Variants in GAN observed in about 807,000 individuals in gnomAD.
The protein encoded by GAN is gigaxonin.
Under a neutral mutation model 71.3 loss-of-function variants are expected in GAN, and 48 were observed. The observed-to-expected ratio is 0.67, with a 90% CI of 0.53 to 0.86. The LOEUF (loss-of-function observed/expected upper bound fraction) is 0.86. Ranked by LOEUF, GAN falls within the 40% of genes least tolerant of loss-of-function variation. GAN has a pLI of 0.00. For missense variants in GAN, 928 were observed against 770.1 expected (o/e 1.21, Z -2.43); for synonymous variants, 386 against 276.8 (o/e 1.39, Z -3.92).
intron 4 of GAN, among the ~76,000 whole-genome samples, chr16:81,357,375 C>G (rs111428305): frequency 6.6e-6 from 1 of 152,046 alleles, no homozygotes; most frequent in East Asian, 1.9e-4. Context: ...TTTGTTCTTG[C>G]GATAGTTTAC....
chr16:81,376,271 TC>T (rs1255661936), intron 9 of GAN, among the ~76,000 whole-genome samples: 1 of 152,072 alleles, frequency 6.6e-6, no homozygotes, highest in East Asian at 1.9e-4. Flanking sequence ...TCTCTAATGT[TC>T]CTGACAGCCT....
At chr16:81,357,375 C>A (rs111428305) in intron 4 of GAN, among the ~76,000 whole-genome samples, 1 of 152,046 alleles carries the variant, frequency 6.6e-6, no homozygotes, top group Non-Finnish European at 1.5e-5. Flanking sequence ...TTTGTTCTTG[C>A]GATAGTTTAC....
intron 9 of GAN, among the ~76,000 whole-genome samples, chr16:81,368,987 A>G (rs1910950844): frequency 6.6e-6 from 1 of 152,126 alleles, no homozygotes; most frequent in Non-Finnish European, 1.5e-5. Flanking sequence ...AAAAAGTTTC[A>G]CCCTTTTTTA....
rs2150703280 is a variant in GAN, at chr16:81,385,447, T to G, written c.*7851T>G. On this transcript the variant is annotated 3_prime_UTR_variant, in exon 11 of 11. Transcript: ENST00000648994. ...GGGGCTTCTGCCACACTTACTACTCTGTGACTTGGGAAGCTCTTAAGGCTC... is the reference window on the plus strand; with the variant it reads ...GGGGCTTCTGCCACACTTACTACTCGGTGACTTGGGAAGCTCTTAAGGCTC... The G allele has an allele frequency of 6.6e-6, 1 of 152,350 alleles. No homozygotes were observed. The highest frequency in any genetic ancestry group is 2.1e-4 in the South Asian group (1 of 4,824). The allele number at this position is 152,350 out of a possible 1,614,324, so 9.4% of individuals were successfully genotyped here.
At chr16:81,350,416 G>A (rs562023508) in intron 1 of GAN, among the ~76,000 whole-genome samples, 4 of 152,300 alleles carry the variant, frequency 2.6e-5, no homozygotes, top group African/African-American at 9.6e-5. Flanking sequence ...AGTATATGAG[G>A]CTGTAAACAG....
intron 10 of GAN, 37 bp from the exon 11 acceptor site, chr16:81,377,378 G>T (rs138060293): frequency 5.0e-6 from 8 of 1,602,536 alleles, no homozygotes; most frequent in African/African-American, 1.3e-5. Context: ...GTGATTCTGG[G>T]TACATTTTCT....
At chr16:81,332,075 C>A (rs886732809) in intron 1 of GAN, among the ~76,000 whole-genome samples, 1 of 151,348 alleles carries the variant, frequency 6.6e-6, no homozygotes, top group African/African-American at 2.4e-5. Context: ...GCAGGAGAAT[C>A]GCTTGAACCT....
At chr16:81,329,382 C>T (rs1314381093) in intron 1 of GAN, among the ~76,000 whole-genome samples, 1 of 152,158 alleles carries the variant, frequency 6.6e-6, no homozygotes, top group Non-Finnish European at 1.5e-5. Flanking sequence ...AAACTCTCTA[C>T]TTATATTGGA....
chr16:81,321,942 G>GTT (rs1225144668), intron 1 of GAN, among the ~76,000 whole-genome samples: 5 of 152,170 alleles, frequency 3.3e-5, no homozygotes, highest in African/African-American at 1.2e-4. Context: ...TCAGGTAAAG[G>GTT]TGGCAGCTCT....
chr16:81,342,604 C>T (rs12925218), intron 1 of GAN, among the ~76,000 whole-genome samples: 1 of 151,984 alleles, frequency 6.6e-6, no homozygotes, highest in Non-Finnish European at 1.5e-5. Context: ...ACACAACGTA[C>T]CAGAATCTTT....
chr16:81,369,064 C>T (rs1010617355), intron 9 of GAN, among the ~76,000 whole-genome samples: 10 of 152,174 alleles, frequency 6.6e-5, no homozygotes, highest in Admixed American at 2.6e-4. Context: ...TTACTGCCTC[C>T]GTGCATTCGC....
At chr16:81,365,914 G>A (rs939529533) in intron 9 of GAN, among the ~76,000 whole-genome samples, 2 of 152,052 alleles carry the variant, frequency 1.3e-5, no homozygotes, top group Non-Finnish European at 1.5e-5. Context: ...CCTTAACTTA[G>A]CATATATAGC....
At chr16:81,374,921 G>T (rs1192497719) in intron 9 of GAN, among the ~76,000 whole-genome samples, 3 of 152,132 alleles carry the variant, frequency 2.0e-5, no homozygotes, top group African/African-American at 7.3e-5. Flanking sequence ...TATCTGTATG[G>T]AAGAAAGTGA....
Position 81,383,978 on chromosome 16 carries a change from G to T in GAN, c.*6382G>T, listed in dbSNP as rs1326427005. ...TTATTTTTATTGTTTTTACTCATCA[G>T]TTATGAATAAGGCATACCTTAGAAA... On this transcript the variant is annotated 3_prime_UTR_variant, in exon 11 of 11. Coordinates refer to ENST00000648994, the MANE Select transcript of GAN (RefSeq NM_022041.4). 6.6e-6 allele frequency: 1 copy of T among 152,040 alleles called. No homozygotes were observed. Among genetic ancestry groups the T allele is most frequent in the African/African-American group, 2.4e-5 (1 of 41,376 alleles). 9.4% of individuals were successfully genotyped at this position (152,040 alleles called of 1,614,324 possible). A position where few individuals can be genotyped will look rare whatever the true frequency, so the allele number is the denominator to read the frequency against.
rs770296045 is a variant in GAN, at chr16:81,315,212, C to T, written c.99C>T (p.His33=). ...AGGAGTCTCGCTTCTGCGACGCGCA[C>T]CTGGTCCTCGACGGGGAGGAGATCC... The part of the protein sequence containing the change: ...FREESRFCDA[H]LVLDGEEIPV... The change falls in exon 1 of 11, where the codon CAC becomes CAT. Residue 33 remains histidine, a synonymous_variant. Coordinates refer to ENST00000648994, the MANE Select transcript of GAN (RefSeq NM_022041.4). The T allele has an allele frequency of 5.1e-6, 8 of 1,580,990 alleles. No homozygotes were observed. In the East Asian group the frequency reaches 1.9e-4, roughly 38 times the overall value.
rs1008460974 is a variant in GAN, at chr16:81,383,208, ATAAT to A, written c.*5615_*5618del. 2.2e-4 allele frequency: 32 copies of A among 142,534 alleles called. No individual in the cohort carries two copies. The highest frequency in any genetic ancestry group is 7.6e-4 in the African/African-American group (29 of 38,308). The allele number at this position is 142,534 out of a possible 1,614,324, so 8.8% of individuals were successfully genotyped here. A position where few individuals can be genotyped will look rare whatever the true frequency, so the allele number is the denominator to read the frequency against. ...CATCAAATAAATAAAACTACATTAT[ATAAT>A]TATTTAGTCAGAAATGACTGTTGCC... On this transcript the variant is annotated 3_prime_UTR_variant, in exon 11 of 11. Transcript: ENST00000648994.
intron 9 of GAN, among the ~76,000 whole-genome samples, chr16:81,368,512 C>G (rs912685370): frequency 2.0e-5 from 3 of 152,130 alleles, no homozygotes; most frequent in African/African-American, 4.8e-5. Context: ...AAGGCTGAGG[C>G]AGAAGGATCA....
intron 1 of GAN, among the ~76,000 whole-genome samples, chr16:81,326,622 T>C (rs544698552): frequency 6.6e-6 from 1 of 152,374 alleles, no homozygotes; most frequent in African/African-American, 2.4e-5. Context: ...AATACATCAT[T>C]GGGCATTTTG....
intron 2 of GAN, among the ~76,000 whole-genome samples, chr16:81,353,645 G>A (rs1567491094): frequency 6.6e-6 from 1 of 152,184 alleles, no homozygotes; most frequent in African/African-American, 2.4e-5. Flanking sequence ...AAGTGCCCAT[G>A]CTTTGGGGTC....
Sources: gnomAD v4.1 joint callset for allele counts (sites outside exome capture counted in the v4.1 genomes callset) on GRCh38, gnomAD v4.1.1 for gene constraint, MANE v1.5 for transcripts, NCBI Gene and HGNC (gene_info 2026-07-23, HGNC 2026-07-21) for gene names.